CCL26: variants seen among roughly 807,000 people sequenced by gnomAD.
The protein encoded by CCL26 is C-C motif chemokine ligand 26, also known as C-C motif chemokine 26.
Under a neutral mutation model 10.7 loss-of-function variants are expected in CCL26, and 10 were observed. The observed-to-expected ratio is 0.93, with a 90% confidence interval of 0.57 to 1.58. The LOEUF (loss-of-function observed/expected upper bound fraction) is 1.58. Ranked by LOEUF, CCL26 falls within the 40% of genes most tolerant of loss-of-function variation. The probability of loss-of-function intolerance (pLI) is 0.00; values close to 1 mark genes in which losing one functional copy is unlikely to be tolerated. For synonymous variants in CCL26, 43 were observed against 41.4 expected (o/e 1.04, Z -0.15); for missense variants, 116 against 111.0 (o/e 1.05, Z -0.20).
chr7:75,774,626 A>G (rs1802894941), upstream of CCL26, among the ~76,000 whole-genome samples: 1 of 151,920 alleles, frequency 6.6e-6, no homozygotes, highest in South Asian at 2.1e-4. Context: ...TTGTATTTTT[A>G]GTAGAGACAG....
upstream of CCL26, among the ~76,000 whole-genome samples, chr7:75,772,473 A>G (rs1258977220): frequency 1.3e-5 from 2 of 152,128 alleles, no homozygotes; most frequent in Admixed American, 6.6e-5. Context: ...CCTGGCCAAC[A>G]TGGAGAAACC....
chr7:75,781,985 C>T (rs1242597450), intron 1 of CCL26, among the ~76,000 whole-genome samples: 1 of 152,084 alleles, frequency 6.6e-6, no homozygotes, highest in Non-Finnish European at 1.5e-5. Context: ...GAGACCAGTC[C>T]CCTGTCCTCA....
chr7:75,790,698 C>G (rs1185348451), upstream of CCL26, among the ~76,000 whole-genome samples: 2 of 152,088 alleles, frequency 1.3e-5, no homozygotes, highest in African/African-American at 4.8e-5. Context: ...AATCCCAGCA[C>G]TGTGGGAGGC....
chr7:75,783,702 G>A (rs193257013), intron 1 of CCL26, among the ~76,000 whole-genome samples: 292 of 151,636 alleles, frequency 1.9e-3, no homozygotes, highest in Middle Eastern at 0.01. Context: ...CAGGAGAATG[G>A]CGTGAACCCG....
Position 75,769,672 on chromosome 7 carries a change from T to C in CCL26, c.*21A>G, listed in dbSNP as rs1554527866. 11 of 1,541,296 alleles carry C rather than the reference T, an allele frequency of 7.1e-6. No homozygotes were observed. In the East Asian group the frequency reaches 2.2e-4, roughly 31 times the overall value. ...AGCCAAGAGCGGGGTCCAAGCGTCC[T>C]CGGATGAAAATTCAGCTGAGTCACA... On this transcript the variant is annotated 3_prime_UTR_variant, in exon 3 of 3. Coordinates refer to ENST00000005180, the MANE Select transcript of CCL26 (RefSeq NM_001371938.1).
At chr7:75,787,454 C>A (rs908758030) in intron 1 of CCL26, among the ~76,000 whole-genome samples, 5 of 151,764 alleles carry the variant, frequency 3.3e-5, no homozygotes, top group African/African-American at 1.2e-4. Context: ...ATCATCCTGG[C>A]TAACATGGTG....
At chr7:75,775,584 G>A (rs782203299), upstream of CCL26, among the ~76,000 whole-genome samples, 15 of 152,088 alleles carry the variant, frequency 9.9e-5, no homozygotes, top group Middle Eastern at 3.2e-3. Flanking sequence ...CTGGCTTAGC[G>A]GGTGGGTCAG....
intron 1 of CCL26, among the ~76,000 whole-genome samples, chr7:75,780,953 G>T (rs959951542): frequency 1.3e-5 from 2 of 152,088 alleles, no homozygotes; most frequent in African/African-American, 4.8e-5. Flanking sequence ...CTCTTAAAAA[G>T]GTGGCGGGAG....
At chr7:75,779,557 T>C (rs1554529172) in intron 1 of CCL26, among the ~76,000 whole-genome samples, 1 of 152,222 alleles carries the variant, frequency 6.6e-6, no homozygotes, top group Non-Finnish European at 1.5e-5. Context: ...TCTCTTCTCT[T>C]TATTTCAGTT....
intron 1 of CCL26, among the ~76,000 whole-genome samples, chr7:75,777,773 T>A (rs1554528951): frequency 7.6e-6 from 1 of 131,522 alleles, no homozygotes; most frequent in Non-Finnish European, 1.6e-5. Context: ...AAGAATAATG[T>A]TGTAGGATTC....
At chr7:75,786,361 T>C (rs1239103905) in intron 1 of CCL26, among the ~76,000 whole-genome samples, 1 of 152,208 alleles carries the variant, frequency 6.6e-6, no homozygotes, top group Non-Finnish European at 1.5e-5. Context: ...ACATCTATCA[T>C]TGAGGCTACC....
chr7:75,788,542 T>G (rs782367758), intron 1 of CCL26, among the ~76,000 whole-genome samples: 2 of 152,026 alleles, frequency 1.3e-5, no homozygotes, highest in South Asian at 2.1e-4. Flanking sequence ...TTTGGTGGTC[T>G]CTTCACATGG....
intron 1 of CCL26, among the ~76,000 whole-genome samples, chr7:75,785,020 C>G (rs1392041835): frequency 6.6e-6 from 1 of 152,196 alleles, no homozygotes; most frequent in Non-Finnish European, 1.5e-5. Context: ...CCCCATTTTA[C>G]CTGTCCAAAA....
At chr7:75,784,673 C>A (rs1803142404) in intron 1 of CCL26, among the ~76,000 whole-genome samples, 1 of 151,886 alleles carries the variant, frequency 6.6e-6, no homozygotes, top group African/African-American at 2.4e-5. Flanking sequence ...ACCTGCCCAG[C>A]TCCCTTATTA....
At chr7:75,791,335 T>C (rs1351297408), upstream of CCL26, among the ~76,000 whole-genome samples, 1 of 152,064 alleles carries the variant, frequency 6.6e-6, no homozygotes, top group East Asian at 1.9e-4. Context: ...AAACTCCCTC[T>C]TGGTACTTGT....
At chr7:75,789,011 T>C (rs1554530380) in intron 1 of CCL26, among the ~76,000 whole-genome samples, 1 of 151,812 alleles carries the variant, frequency 6.6e-6, no homozygotes, top group African/African-American at 2.4e-5. Flanking sequence ...GCCTCAACTT[T>C]CCAAGGCTCA....
chr7:75,772,880 T>G (rs578199330), upstream of CCL26, among the ~76,000 whole-genome samples: 8 of 152,324 alleles, frequency 5.3e-5, no homozygotes, highest in East Asian at 1.5e-3. Context: ...TCCAGTGAAC[T>G]GAACTAAGTT....
At chr7:75,777,199 T>C (rs1182020230), upstream of CCL26, among the ~76,000 whole-genome samples, 2 of 152,090 alleles carry the variant, frequency 1.3e-5, no homozygotes, top group Non-Finnish European at 2.9e-5. Flanking sequence ...ACCACTGCAC[T>C]CCAGCCTGCG....
upstream of CCL26, among the ~76,000 whole-genome samples, chr7:75,776,068 CTTTT>C (rs534170968): frequency 2.0e-5 from 2 of 99,650 alleles, no homozygotes; most frequent in African/African-American, 7.3e-5. Flanking sequence ...AGTTCACACT[CTTTT>C]TTTTTTTTTT....
Sources: allele counts gnomAD v4.1 joint callset (sites outside exome capture counted in the v4.1 genomes callset), GRCh38; gene constraint gnomAD v4.1.1; transcripts MANE v1.5; gene names NCBI Gene and HGNC (gene_info 2026-07-23, HGNC 2026-07-21).